The following FSTL4 variants were observed in gnomAD, a reference collection of about 807,000 sequenced individuals.
FSTL4 encodes the protein follistatin-related protein 4.
A neutral mutation model predicts 78.2 loss-of-function variants in FSTL4; 28 were observed. That is an observed-to-expected ratio of 0.36 (90% CI 0.27 to 0.49). FSTL4 has a LOEUF of 0.49. Among genes scored for constraint, FSTL4 ranks in the 20% least tolerant of loss-of-function variants. FSTL4 has a pLI of 0.98. For missense variants in FSTL4, 922 were observed against 1,084.9 expected, an observed-to-expected ratio of 0.85 and a Z score of 2.11; for synonymous variants, 422 against 440.5, an observed-to-expected ratio of 0.96 and a Z score of 0.53.
chr5:133,313,073 G>T (rs1753825038), intron 5 of FSTL4, among the ~76,000 whole-genome samples: 1 of 152,174 alleles, frequency 6.6e-6, no homozygotes. Context: ...GTCTAAGATG[G>T]GAATCCTTGA....
chr5:133,303,168 C>T (rs1402341237), intron 6 of FSTL4, among the ~76,000 whole-genome samples: 5 of 152,216 alleles, frequency 3.3e-5, no homozygotes, highest in African/African-American at 9.7e-5. Context: ...AACCACCTGG[C>T]GACTCTCCTG....
intron 3 of FSTL4, among the ~76,000 whole-genome samples, chr5:133,449,206 G>A (rs1362477673): frequency 1.3e-5 from 2 of 152,088 alleles, no homozygotes; most frequent in African/African-American, 4.8e-5. Flanking sequence ...GGGTGGCCTC[G>A]CCCTGCACTG....
At chr5:133,737,021 T>A in the FSTL4 span, among the ~76,000 whole-genome samples, 1 of 152,166 alleles carries the variant, frequency 6.6e-6, no homozygotes, top group Non-Finnish European at 1.5e-5. Context: ...AATACGCACA[T>A]CATGGAGAAC....
intron 7 of FSTL4, among the ~76,000 whole-genome samples, chr5:133,239,416 T>G (rs1053042278): frequency 3.3e-5 from 5 of 152,212 alleles, no homozygotes; most frequent in African/African-American, 1.2e-4. Context: ...TGAAGCCAGC[T>G]GGGCTCCTGA....
intron 2 of FSTL4, among the ~76,000 whole-genome samples, chr5:133,598,459 C>T (rs962789381): frequency 6.6e-6 from 1 of 151,968 alleles, no homozygotes; most frequent in Non-Finnish European, 1.5e-5. Context: ...AATCCCAATG[C>T]CCCTGAGACC....
chr5:133,598,599 C>T (rs1156750478), intron 2 of FSTL4, among the ~76,000 whole-genome samples: 2 of 152,142 alleles, frequency 1.3e-5, no homozygotes, highest in Admixed American at 1.3e-4. Context: ...TCAGAATAAT[C>T]AGCAGAAAGC....
intron 14 of FSTL4, among the ~76,000 whole-genome samples, chr5:133,204,453 A>G (rs1423043123): frequency 2.6e-5 from 4 of 152,246 alleles, no homozygotes. Context: ...GAGATTAAAA[A>G]TAATGTCATA....
intron 6 of FSTL4, among the ~76,000 whole-genome samples, chr5:133,264,790 C>T (rs1752608014): frequency 6.6e-6 from 1 of 152,138 alleles, no homozygotes; most frequent in South Asian, 2.1e-4. Flanking sequence ...AAGAAAAATG[C>T]CTCGTTTCCT....
chr5:133,341,758 G>A (rs79998930), intron 4 of FSTL4, among the ~76,000 whole-genome samples: 14,944 of 152,176 alleles, frequency 0.098, 970 homozygotes, highest in African/African-American at 0.17. Flanking sequence ...AACCTTGAAT[G>A]TGCCACTTAT....
the FSTL4 span, among the ~76,000 whole-genome samples, chr5:133,814,436 GC>G: frequency 6.6e-6 from 1 of 152,146 alleles, no homozygotes; most frequent in Non-Finnish European, 1.5e-5. Context: ...CCACACCAGT[GC>G]CCCTGACACA....
At chr5:133,221,268 G>A (rs540529491) in intron 11 of FSTL4, among the ~76,000 whole-genome samples, 1 of 152,276 alleles carries the variant, frequency 6.6e-6, no homozygotes, top group Admixed American at 6.5e-5. Flanking sequence ...GCTTTCATTT[G>A]CTTTTTTAAA....
chr5:133,484,527 T>A (rs987408135), intron 3 of FSTL4, among the ~76,000 whole-genome samples: 1 of 152,190 alleles, frequency 6.6e-6, no homozygotes, highest in East Asian at 1.9e-4. Context: ...AAGAGAAATA[T>A]GCTATTCTAT....
chr5:133,716,041 GA>G, the FSTL4 span, among the ~76,000 whole-genome samples: 1 of 152,204 alleles, frequency 6.6e-6, no homozygotes, highest in African/African-American at 2.4e-5. Context: ...AGCACTGCTA[GA>G]AATCATGTGG....
the FSTL4 span, among the ~76,000 whole-genome samples, chr5:133,692,755 G>C: frequency 6.6e-6 from 1 of 152,190 alleles, no homozygotes; most frequent in African/African-American, 2.4e-5. Flanking sequence ...ACTTCCTGCT[G>C]CTCCCTTGAC....
chr5:133,707,758 C>A, the FSTL4 span, among the ~76,000 whole-genome samples: 337 of 152,106 alleles, frequency 2.2e-3, 3 homozygotes, highest in African/African-American at 7.6e-3. Flanking sequence ...GGGGTGAGGG[C>A]CACCAGGCTA....
At chr5:133,744,970 G>C in the FSTL4 span, among the ~76,000 whole-genome samples, 2 of 152,234 alleles carry the variant, frequency 1.3e-5, no homozygotes, top group Non-Finnish European at 2.9e-5. Context: ...CAGGCTGGGA[G>C]TTGGAGGCAA....
chr5:133,669,451 CAGA>C, the FSTL4 span, among the ~76,000 whole-genome samples: 2 of 152,114 alleles, frequency 1.3e-5, no homozygotes, highest in Non-Finnish European at 2.9e-5. Flanking sequence ...TCATTGAAAA[CAGA>C]AGAAGTTCAC....
At chr5:133,341,806 G>A (rs1754588392) in intron 4 of FSTL4, among the ~76,000 whole-genome samples, 1 of 152,220 alleles carries the variant, frequency 6.6e-6, no homozygotes, top group East Asian at 1.9e-4. Flanking sequence ...TACCCTCTCT[G>A]AACCTTAATT....
chr5:133,320,677 G>A (rs1045646314), intron 4 of FSTL4, among the ~76,000 whole-genome samples: 4 of 152,076 alleles, frequency 2.6e-5, no homozygotes, highest in East Asian at 1.9e-4. Context: ...TGCGGGCTCC[G>A]AGACCTGTTT....
Sources: allele counts gnomAD v4.1 joint callset (sites outside exome capture counted in the v4.1 genomes callset), GRCh38; gene constraint gnomAD v4.1.1; transcripts MANE v1.5; gene names NCBI Gene and HGNC (gene_info 2026-07-23, HGNC 2026-07-21).